ZEB1: variants seen among roughly 807,000 people sequenced by gnomAD.
ZEB1 encodes zinc finger E-box binding homeobox 1.
Under a neutral mutation model 84.9 loss-of-function variants are expected in ZEB1, and 21 were observed. The ratio of observed to expected loss-of-function variants is 0.25; its 90% CI spans 0.18 to 0.36. The LOEUF is 0.36. Ranked by LOEUF, ZEB1 falls within the 10% of genes least tolerant of loss-of-function variation. The pLI is 1.00. For synonymous variants in ZEB1, 420 were observed against 471.1 expected (o/e 0.89, Z 1.41); for missense variants, 1,104 against 1,330.2 (o/e 0.83, Z 2.65).
intron 6 of ZEB1, 144 bp downstream of exon 6, chr10:31,514,852 A>G: frequency 1.5e-6 from 1 of 673,200 alleles, no homozygotes. Context: ...TTTTATGTTT[A>G]TTTTATGTTT....
intron 1 of ZEB1, among the ~76,000 whole-genome samples, chr10:31,388,352 G>A (rs2049013506): frequency 6.6e-6 from 1 of 152,048 alleles, no homozygotes; most frequent in South Asian, 2.1e-4. Flanking sequence ...TCTACAAAAT[G>A]TGAACTTCTT....
At chr10:31,485,767 G>A (rs1343468211) in intron 2 of ZEB1, among the ~76,000 whole-genome samples, 1 of 150,312 alleles carries the variant, frequency 6.7e-6, no homozygotes, top group African/African-American at 2.4e-5. Flanking sequence ...ATTTATTTGA[G>A]CTTTAATACA....
intron 3 of ZEB1, among the ~76,000 whole-genome samples, chr10:31,498,375 A>C (rs2067585565): frequency 6.6e-6 from 1 of 152,044 alleles, no homozygotes; most frequent in Non-Finnish European, 1.5e-5. Context: ...TCTCTCTGTG[A>C]TCTCAGAAGA....
rs751680695 is a variant in ZEB1 at position 31,465,459 on chromosome 10, A to ATAT, written c.259+4222_259+4223insTAT. ...AAAGATAAACCATGCGATTGCAAAA[A>ATAT]ATATATATATATATATAAAATATCA... On this transcript the variant is annotated intron_variant, in intron 2 of 8. Transcript: ENST00000424869. Among the ~76,000 whole-genome samples, 1,004 of 149,832 alleles carry ATAT rather than the reference A, an allele frequency of 6.7e-3. 10 individuals carry two copies. Among genetic ancestry groups the ATAT allele is most frequent in the African/African-American group, 0.022 (924 of 41,164 alleles).
At chr10:31,389,936 G>C (rs557825694) in intron 1 of ZEB1, among the ~76,000 whole-genome samples, 1 of 152,096 alleles carries the variant, frequency 6.6e-6, no homozygotes, top group East Asian at 1.9e-4. Flanking sequence ...GTGGCTAGTA[G>C]GTACCATATT....
At chr10:31,420,105 G>A (rs931056830) in intron 1 of ZEB1, among the ~76,000 whole-genome samples, 7 of 152,020 alleles carry the variant, frequency 4.6e-5, no homozygotes, top group Admixed American at 1.3e-4. Context: ...CCACTCTTAA[G>A]TCCTATAACA....
intron 5 of ZEB1, among the ~76,000 whole-genome samples, chr10:31,514,190 A>G (rs569436399): frequency 3.9e-4 from 60 of 152,272 alleles, no homozygotes; most frequent in African/African-American, 1.4e-3. Context: ...TGAGCTTTAG[A>G]CAGGTTATTC....
chr10:31,461,357 A>T, intron 2 of ZEB1, 120 bp downstream of exon 2: 6 of 1,062,080 alleles, frequency 5.6e-6, no homozygotes, highest in Non-Finnish European at 6.9e-6. Flanking sequence ...GGCTATCAAT[A>T]AATATTAGGT....
chr10:31,458,739 A>T (rs2061516003), intron 1 of ZEB1, among the ~76,000 whole-genome samples: 1 of 152,074 alleles, frequency 6.6e-6, no homozygotes, highest in Non-Finnish European at 1.5e-5. Flanking sequence ...AATGGCCAAA[A>T]TTATACATAT....
intron 1 of ZEB1, among the ~76,000 whole-genome samples, chr10:31,324,109 G>A (rs1382354415): frequency 6.6e-6 from 1 of 151,836 alleles, no homozygotes; most frequent in Admixed American, 6.6e-5. Flanking sequence ...CAGAAACTTT[G>A]CCACAAAGTC....
At chr10:31,420,229 A>G (rs1291660450) in intron 1 of ZEB1, among the ~76,000 whole-genome samples, 1 of 152,152 alleles carries the variant, frequency 6.6e-6, no homozygotes, top group Non-Finnish European at 1.5e-5. Flanking sequence ...ACAAATGACA[A>G]GAAATTTAGT....
chr10:31,339,419 T>C (rs890875532), intron 1 of ZEB1, among the ~76,000 whole-genome samples: 3 of 152,168 alleles, frequency 2.0e-5, no homozygotes, highest in Non-Finnish European at 2.9e-5. Context: ...TAAGGACTTA[T>C]TTACTTTTAA....
intron 1 of ZEB1, among the ~76,000 whole-genome samples, chr10:31,356,791 A>G (rs2042197467): frequency 6.6e-6 from 1 of 152,212 alleles, no homozygotes; most frequent in South Asian, 2.1e-4. Context: ...CTGGGGCTTT[A>G]GAGAATTTGT....
intron 1 of ZEB1, among the ~76,000 whole-genome samples, chr10:31,408,109 CAGAG>C (rs1206437339): frequency 2.6e-5 from 4 of 151,874 alleles, no homozygotes; most frequent in East Asian, 1.9e-4. Flanking sequence ...AACAGACAAA[CAGAG>C]AGCCAAATCA....
Position 31,520,386 on chromosome 10 carries a change from G to C in ZEB1, c.1054G>C (p.Val352Leu), listed in dbSNP as rs367672138. 8 of 1,613,800 alleles carry C rather than the reference G, an allele frequency of 5.0e-6. No homozygotes were observed. The highest frequency in any genetic ancestry group is 1.6e-4 in the Middle Eastern group (1 of 6,082). The change falls in exon 7 of 9, where the codon GTG becomes CTG. Residue 352 changes from valine to leucine, a missense_variant. Coordinates refer to ENST00000424869, the MANE Select transcript of ZEB1 (RefSeq NM_001174096.2). The surrounding 1 kb of genome is among the most constrained non-coding windows in gnomAD (Gnocchi z 5.1). ...LSVNQIKTEP[V>L]DYEFKPIVVA... is the part of the protein sequence containing the mutation. Reference sequence around the variant, plus strand: ...TGTTAACCAAATTAAAACTGAACCTGTGGATTATGAATTCAAACCCATAGT... The same window carrying C: ...TGTTAACCAAATTAAAACTGAACCTCTGGATTATGAATTCAAACCCATAGT...
intron 3 of ZEB1, among the ~76,000 whole-genome samples, chr10:31,497,924 A>AATAGATAGATAGATAGATAGATAGATAG (rs145458133): frequency 6.9e-6 from 1 of 145,382 alleles, no homozygotes; most frequent in Non-Finnish European, 1.5e-5. Context: ...AGGATGGAAA[A>AATAGATAGATAGATAGATAGATAGATAG]ATAGATAGAT....
Position 31,321,346 on chromosome 10 carries a change from T to C in ZEB1, c.58+2054T>C, listed in dbSNP as rs2033991358. Reference sequence around the variant, plus strand: ...TGATTTTAATTATTCAAATAAACACTTGCATTTTAAAGACGTCTGTTGATT... The same window carrying C: ...TGATTTTAATTATTCAAATAAACACCTGCATTTTAAAGACGTCTGTTGATT... On this transcript the variant is annotated intron_variant, in intron 1 of 8. Transcript: ENST00000424869. The C allele has an allele frequency of 3.8e-5, 56 of 1,478,270 alleles. 1 individual carries two copies. Among genetic ancestry groups the C allele is most frequent in the Non-Finnish European group, 5.0e-5 (56 of 1,112,992 alleles). The allele number at this position is 1,478,270 out of a possible 1,614,324, so 91.6% of individuals were successfully genotyped here.
intron 1 of ZEB1, among the ~76,000 whole-genome samples, chr10:31,324,976 G>A (rs1391256993): frequency 1.3e-5 from 2 of 151,962 alleles, no homozygotes; most frequent in African/African-American, 4.8e-5. Flanking sequence ...TTTGCATGGG[G>A]CAGTGTTTTG....
In ZEB1 at chr10:31,325,966, G is replaced by GTTT. The variant is rs1320144297; in HGVS notation, c.58+6674_58+6675insTTT. Among the ~76,000 whole-genome samples, 8 of 123,218 alleles carry GTTT rather than the reference G, an allele frequency of 6.5e-5. No individual in the cohort carries two copies. The East Asian group carries it at 2.0e-3, about 30-fold the overall frequency. 80.8% of individuals were successfully genotyped at this position (123,218 alleles called of 152,430 possible). On this transcript the variant is annotated intron_variant, in intron 1 of 8. Transcript: ENST00000424869. ...AATTCTAGCAGAGTGTTTGGTTTTG[G>GTTT]GTTTTTTTTTTTTTTTTTAAGTAGA...
Sources: allele counts gnomAD v4.1 joint callset (sites outside exome capture counted in the v4.1 genomes callset), GRCh38; gene constraint gnomAD v4.1.1; non-coding constraint Gnocchi (gnomAD v3.1); transcripts MANE v1.5; gene names NCBI Gene and HGNC (gene_info 2026-07-23, HGNC 2026-07-21).